The following GGTLC2 variants were observed in gnomAD, a reference collection of about 807,000 sequenced individuals.
GGTLC2 encodes the protein gamma-glutamyltransferase light chain 2.
GGTLC2 carries 13 observed loss-of-function variants against 20.2 expected under a neutral mutation model. The observed-to-expected ratio is 0.64, with a 90% CI of 0.42 to 1.02. The LOEUF (loss-of-function observed/expected upper bound fraction) is 1.02. GGTLC2 is among the 50% of genes least tolerant of loss of function. The pLI, the probability that GGTLC2 is intolerant of heterozygous loss-of-function variation, is 0.00. For missense variants in GGTLC2, 202 were observed against 301.3 expected, an observed-to-expected ratio of 0.67 and a Z score of 2.44; for synonymous variants, 89 against 125.5, an observed-to-expected ratio of 0.71 and a Z score of 1.94.
At chr22:22,646,105 G>A (rs1194899411) in intron 1 of GGTLC2, 3 of 1,378,784 alleles carry the variant, frequency 2.2e-6, no homozygotes, top group Admixed American at 5.8e-5. Flanking sequence ...AGGGTCTGGA[G>A]GCTGAGGACC....
rs4050586 is a variant in GGTLC2 at position 22,647,892 on chromosome 22, C to G, written c.*151C>G. ...TGCCAGGCTCCAGGTGGCCTCCCTG[C>G]CCTGTCTCCCCACTCTCTGGGCCTC... On this transcript the variant is annotated 3_prime_UTR_variant, in exon 6 of 6. Transcript: ENST00000448514. The G allele has an allele frequency of 0.014, 16,539 of 1,219,146 alleles. 983 individuals carry two copies. The African/African-American group carries it at 0.16, about 12-fold the overall frequency. The allele number at this position is 1,219,146 out of a possible 1,614,324, so 75.5% of individuals were successfully genotyped here.
At chr22:22,645,044 C>T (rs966412726) in intron 1 of GGTLC2, among the ~76,000 whole-genome samples, 2 of 146,206 alleles carry the variant, frequency 1.4e-5, no homozygotes, top group Admixed American at 6.9e-5. Context: ...AGGCGCCCGC[C>T]ACCACACCCG....
chr22:22,645,036 G>A (rs1235357664), intron 1 of GGTLC2, among the ~76,000 whole-genome samples: 2 of 144,978 alleles, frequency 1.4e-5, no homozygotes, highest in Non-Finnish European at 3.0e-5. Context: ...GGGACTACAG[G>A]CGCCCGCCAC....
At chr22:22,645,171 C>A (rs2064014741) in intron 1 of GGTLC2, among the ~76,000 whole-genome samples, 1 of 151,562 alleles carries the variant, frequency 6.6e-6, no homozygotes, top group Non-Finnish European at 1.5e-5. Flanking sequence ...GCCTCGGCCT[C>A]CCAAAGTGCT....
intron 1 of GGTLC2, among the ~76,000 whole-genome samples, chr22:22,645,723 C>T (rs6003132): frequency 0.036 from 5,409 of 149,650 alleles, 103 homozygotes; most frequent in Non-Finnish European, 0.054. Context: ...CTAGGAGGTC[C>T]TGTGGGATGG....
rs1275902779 is a variant in GGTLC2 at position 22,647,265 on chromosome 22, C to T, written c.485C>T (p.Thr162Met). The part of the protein sequence containing the change: ...RLHNQLLPNV[T>M]TVERNIDQAV... ...CACAACCAGCTTCTGCCCAACGTCA[C>T]GACAGTGGAGAGAAACATTGACCAG... Residue 162 changes from threonine to methionine, a missense_variant, in exon 5 of 6, where the codon ACG becomes ATG. Thr to Met is a moderately conservative substitution (Grantham distance 81). This residue lies in a region of GGTLC2 where 65 missense variants were observed against 87.5 expected (regional missense o/e 0.74). Transcript: ENST00000448514. The T allele has an allele frequency of 1.2e-5, 19 of 1,610,956 alleles. No homozygotes were observed. Among genetic ancestry groups the T allele is most frequent in the African/African-American group, 6.7e-5 (5 of 74,768 alleles).
chr22:22,645,116 T>C (rs2064010839), intron 1 of GGTLC2, among the ~76,000 whole-genome samples: 1 of 74,958 alleles, frequency 1.3e-5, no homozygotes. Context: ...ATGATCTCCA[T>C]CTCCTGACGT....
chr22:22,646,226 G>T lies in GGTLC2; in HGVS notation c.-34-86G>T, dbSNP rs2064075981. The T allele has an allele frequency of 4.2e-6, 6 of 1,432,840 alleles. No homozygotes were observed. The East Asian group carries it at 1.5e-4, about 36-fold the overall frequency. 88.8% of individuals were successfully genotyped at this position (1,432,840 alleles called of 1,614,324 possible). ...TCCTGGGGAGCCACGGAAGGTTGTG[G>T]GTGCCAGAGGGTTGTGGTCAGAGCC... is the stretch of plus-strand genomic sequence containing the variant. On this transcript the variant is annotated intron_variant, in intron 1 of 5. Transcript: ENST00000448514.
chr22:22,645,960 C>T (rs1170448893), intron 1 of GGTLC2: 1 of 348,910 alleles, frequency 2.9e-6, no homozygotes, highest in Admixed American at 4.1e-5. Context: ...CAGCACTTTC[C>T]CTGTGTGTGT....
chr22:22,647,676 C>G lies in GGTLC2; in HGVS notation c.592C>G (p.Arg198Gly). The G allele has an allele frequency of 6.9e-6, 11 of 1,597,624 alleles. 1 individual carries two copies. The South Asian group carries it at 1.2e-4, about 18-fold the overall frequency. Residue 198 changes from arginine (R) to glycine (G), a missense_variant, in exon 6 of 6, where the codon CGC becomes GGC. This residue lies in a region of GGTLC2 where 22 missense variants were observed against 69.6 expected (regional missense o/e 0.32). Coordinates refer to ENST00000448514, the MANE Select transcript of GGTLC2 (RefSeq NM_199127.3). Reference sequence around the variant, plus strand: ...CATCGCTGTGGTGCAAGCCATCGTCCGCACGGCTGGTGGCTGGGCAGCTGC... The same window carrying G: ...CATCGCTGTGGTGCAAGCCATCGTCGGCACGGCTGGTGGCTGGGCAGCTGC... ...TFIAVVQAIVRTAGGWAAASD... is the reference protein window; with the variant it reads ...TFIAVVQAIVGTAGGWAAASD...
Position 22,647,832 on chromosome 22 carries a change from T to A in GGTLC2, c.*91T>A. ...GACTCTGGGGGACTGGCTTCCCCTG[T>A]GAGCAGCAGAGCAGCACAATAAATG... On this transcript the variant is annotated 3_prime_UTR_variant, in exon 6 of 6. Coordinates refer to ENST00000448514, the MANE Select transcript of GGTLC2 (RefSeq NM_199127.3). 1.3e-6 allele frequency: 2 copies of A among 1,587,376 alleles called. No individual in the cohort carries two copies.
At chr22:22,647,113 T>C in intron 4 of GGTLC2, 28 bp from the exon 5 acceptor site, 3 of 1,611,662 alleles carry the variant, frequency 1.9e-6, no homozygotes, top group Non-Finnish European at 2.5e-6. Context: ...TCACCCCTTT[T>C]CTCCCTGGCC....
At chr22:22,645,209 C>T (rs1413182234) in intron 1 of GGTLC2, among the ~76,000 whole-genome samples, 2 of 150,452 alleles carry the variant, frequency 1.3e-5, no homozygotes, top group East Asian at 2.0e-4. Context: ...CCACCGCGCC[C>T]GGTGTTGAAA....
chr22:22,645,484 T>G lies in GGTLC2; in HGVS notation c.-35+776T>G, dbSNP rs973941886. 3.1e-3 allele frequency among the ~76,000 whole-genome samples: 463 copies of G among 150,268 alleles called. 3 individuals carry two copies. In the East Asian group the frequency reaches 0.035, roughly 11 times the overall value. On this transcript the variant is annotated intron_variant, in intron 1 of 5. Coordinates refer to ENST00000448514, the MANE Select transcript of GGTLC2 (RefSeq NM_199127.3). ...TCAAGCTCCTGACCATCCTCAAACC[T>G]GCCCCTTCTGCAGGGTTTACCTCGC...
At chr22:22,645,114 C>G (rs1357644604) in intron 1 of GGTLC2, among the ~76,000 whole-genome samples, 1,880 of 82,894 alleles carry the variant, frequency 0.023, 12 homozygotes, top group Middle Eastern at 0.042. Context: ...GGATGATCTC[C>G]ATCTCCTGAC....
intron 1 of GGTLC2, chr22:22,646,042 T>G: frequency 9.6e-7 from 1 of 1,046,466 alleles, no homozygotes; most frequent in South Asian, 1.7e-5. Flanking sequence ...AGGCATGCAG[T>G]GCAAATTCTA....
rs149680064 is a variant in GGTLC2 at position 22,647,032 on chromosome 22, C to A, written c.354C>A (p.Asp118Glu). 16 of 1,611,516 alleles carry A rather than the reference C, an allele frequency of 9.9e-6. No homozygotes were observed. The highest frequency in any genetic ancestry group is 1.7e-5 in the Admixed American group (1 of 59,964). ...SMCPTIMVGQDGQPPSHADHT... is the reference protein window; with the variant it reads ...SMCPTIMVGQEGQPPSHADHT... ...GCCCGACGATCATGGTGGGCCAGGA[C>A]GGCCAGGTCCGGATGGTGGTGGGAG... The change falls in exon 4 of 6, where the codon GAC becomes GAA. Residue 118 changes from aspartate to glutamate, a missense_variant. Asp to Glu is a conservative substitution (Grantham distance 45, BLOSUM62 2). This residue lies in a region of GGTLC2 where 65 missense variants were observed against 87.5 expected (regional missense o/e 0.74). Transcript: ENST00000448514.
chr22:22,646,111 G>C, intron 1 of GGTLC2: 1 of 1,378,344 alleles, frequency 7.3e-7, no homozygotes, highest in South Asian at 1.5e-5. Flanking sequence ...TGGAGGCTGA[G>C]GACCAGGCAG....
rs538123692 is a variant in GGTLC2, at chr22:22,646,438, G to A, written c.93G>A (p.Thr31=). Residue 31 remains threonine (T), a synonymous_variant, in exon 2 of 6, where the codon ACG becomes ACA. Coordinates refer to ENST00000448514, the MANE Select transcript of GGTLC2 (RefSeq NM_199127.3). The stretch of plus-strand genomic sequence containing the variant: ...CCTACTACAAGCCCGAGTTCTACAC[G>A]CCGGTTGATGGGGGCACTGCTCACC... ...PISYYKPEFY[T]PVDGGTAHLS... 1.5e-5 allele frequency: 23 copies of A among 1,523,244 alleles called. 1 individual carries two copies. The highest frequency in any genetic ancestry group is 2.3e-4 in the Middle Eastern group (1 of 4,262). 94.4% of individuals were successfully genotyped at this position (1,523,244 alleles called of 1,614,324 possible). A position where few individuals can be genotyped will look rare whatever the true frequency, so the allele number is the denominator to read the frequency against.
Sources: allele counts gnomAD v4.1 joint callset (sites outside exome capture counted in the v4.1 genomes callset), GRCh38; gene constraint gnomAD v4.1.1; regional missense constraint gnomAD v4.1.1; transcripts MANE v1.5; gene names NCBI Gene and HGNC (gene_info 2026-07-23, HGNC 2026-07-21).